Variants in FAT3 observed in about 807,000 individuals in gnomAD.
FAT3 encodes the protein protocadherin Fat 3.
Under a neutral mutation model 310.2 loss-of-function variants are expected in FAT3, and 95 were observed. That is an observed-to-expected ratio of 0.31 (90% CI 0.26 to 0.36). The LOEUF (loss-of-function observed/expected upper bound fraction) is 0.36. FAT3 is among the 10% of genes least tolerant of loss of function. The pLI, the probability that FAT3 is intolerant of heterozygous loss-of-function variation, is 1.00. For synonymous variants in FAT3, 2,314 were observed against 2,192.9 expected, an observed-to-expected ratio of 1.06 and a Z score of -1.54; for missense variants, 5,408 against 5,715.6, an observed-to-expected ratio of 0.95 and a Z score of 1.74.
chr11:92,729,947 C>G (rs1246098985), intron 4 of FAT3, among the ~76,000 whole-genome samples: 1 of 152,140 alleles, frequency 6.6e-6, no homozygotes, highest in African/African-American at 2.4e-5. Context: ...TAGTGGTTAT[C>G]TCTGGGTAAT....
chr11:92,873,740 C>T (rs1221914171), intron 22 of FAT3, among the ~76,000 whole-genome samples: 1 of 152,162 alleles, frequency 6.6e-6, no homozygotes, highest in African/African-American at 2.4e-5. Flanking sequence ...TCTGCATCTG[C>T]TATAACTAGA....
intron 4 of FAT3, among the ~76,000 whole-genome samples, chr11:92,729,695 G>A (rs781466433): frequency 2.1e-4 from 32 of 151,734 alleles, no homozygotes; most frequent in Non-Finnish European, 2.6e-4. Context: ...AAAGTGCTGG[G>A]ATTATAGGCG....
At chr11:92,361,323 A>G (rs1010294873) in intron 2 of FAT3, among the ~76,000 whole-genome samples, 1 of 152,194 alleles carries the variant, frequency 6.6e-6, no homozygotes, top group Non-Finnish European at 1.5e-5. Flanking sequence ...TGTGGAGCAG[A>G]AAAGAATATT....
intron 3 of FAT3, among the ~76,000 whole-genome samples, chr11:92,561,050 G>C (rs1295395212): frequency 1.3e-5 from 2 of 152,176 alleles, no homozygotes; most frequent in Non-Finnish European, 2.9e-5. Context: ...TGTTTAAAAA[G>C]TGATTTAAGG....
intron 3 of FAT3, among the ~76,000 whole-genome samples, chr11:92,655,888 T>C (rs1474513770): frequency 6.6e-6 from 1 of 152,218 alleles, no homozygotes; most frequent in Non-Finnish European, 1.5e-5. Flanking sequence ...CCTTGCATTG[T>C]CCAGAATTAC....
chr11:92,375,182 G>A (rs1408795909), intron 2 of FAT3, among the ~76,000 whole-genome samples: 1 of 152,036 alleles, frequency 6.6e-6, no homozygotes, highest in Non-Finnish European at 1.5e-5. Context: ...GATGCAGGCT[G>A]GAGTGCAGTT....
intron 2 of FAT3, among the ~76,000 whole-genome samples, chr11:92,368,915 CAT>C (rs997459188): frequency 2.4e-5 from 3 of 127,268 alleles, no homozygotes; most frequent in East Asian, 2.0e-4. Flanking sequence ...TATATATACA[CAT>C]ATATATATAC....
chr11:92,627,186 G>A (rs560454234), intron 3 of FAT3, among the ~76,000 whole-genome samples: 30 of 152,120 alleles, frequency 2.0e-4, no homozygotes, highest in South Asian at 6.2e-4. Context: ...ATGAATGTTC[G>A]TCGCTGATTA....
chr11:92,855,107 A>AG (rs545292581), intron 19 of FAT3, among the ~76,000 whole-genome samples: 49 of 152,342 alleles, frequency 3.2e-4, no homozygotes, highest in African/African-American at 1.1e-3. Flanking sequence ...TTAAGCATAG[A>AG]CTACTGGTCA....
chr11:92,443,249 A>C (rs2135086402), intron 2 of FAT3, among the ~76,000 whole-genome samples: 1 of 152,322 alleles, frequency 6.6e-6, no homozygotes, highest in Admixed American at 6.5e-5. Context: ...TGTTTCTAAA[A>C]ATAAGCTTTC....
At chr11:92,645,862 A>G (rs959078831) in intron 3 of FAT3, among the ~76,000 whole-genome samples, 1 of 152,216 alleles carries the variant, frequency 6.6e-6, no homozygotes, top group African/African-American at 2.4e-5. Flanking sequence ...TCCAGCTCCT[A>G]CAACATTGCC....
At chr11:92,505,773 T>A (rs1953080959) in intron 2 of FAT3, among the ~76,000 whole-genome samples, 1 of 152,170 alleles carries the variant, frequency 6.6e-6, no homozygotes, top group Non-Finnish European at 1.5e-5. Context: ...GGACTCTTCC[T>A]GCACAGTCAG....
intron 1 of FAT3, among the ~76,000 whole-genome samples, chr11:92,296,272 C>T (rs1450921810): frequency 6.6e-6 from 1 of 152,108 alleles, no homozygotes; most frequent in African/African-American, 2.4e-5. Flanking sequence ...TTGGAAAATA[C>T]TGAAGTCAAA....
rs749708652 is a variant in FAT3 at position 92,790,022 on chromosome 11, A to T, written c.4415A>T (p.Asp1472Val). ...QPNYDVTISE[D>V]VLPDTEILQI... The stretch of plus-strand genomic sequence containing the variant: ...AATTACGATGTGACAATTTCCGAGG[A>T]TGTGCTTCCAGACACGGAGATCCTG... The change falls in exon 8 of 28, where the codon GAT becomes GTT. Residue 1472 changes from aspartate (D) to valine (V), a missense_variant. Coordinates refer to ENST00000525166, the MANE Select transcript of FAT3 (RefSeq NM_001367949.2). The T allele has an allele frequency of 1.9e-6, 3 of 1,613,818 alleles. No homozygotes were observed. Among genetic ancestry groups the T allele is most frequent in the Admixed American group, 1.7e-5 (1 of 60,002 alleles).
chr11:92,460,748 C>T (rs1470103654), intron 2 of FAT3, among the ~76,000 whole-genome samples: 2 of 152,138 alleles, frequency 1.3e-5, no homozygotes, highest in Non-Finnish European at 2.9e-5. Context: ...AACACATGCA[C>T]CTAGTACCTC....
At chr11:92,756,147 C>T (rs1358672950) in intron 4 of FAT3, among the ~76,000 whole-genome samples, 1 of 152,128 alleles carries the variant, frequency 6.6e-6, no homozygotes, top group Non-Finnish European at 1.5e-5. Context: ...TGCCCCTTTT[C>T]CATAGGGGAT....
At chr11:92,835,164 G>A (rs556759668) in intron 15 of FAT3, 80 bp downstream of exon 15, 54 of 1,266,566 alleles carry the variant, frequency 4.3e-5, no homozygotes, top group Middle Eastern at 2.8e-4. Flanking sequence ...AGCAAAGTCC[G>A]TCTTGGGTTT....
chr11:92,680,903 A>G (rs1943463696), intron 3 of FAT3, among the ~76,000 whole-genome samples: 2 of 152,220 alleles, frequency 1.3e-5, no homozygotes, highest in Non-Finnish European at 2.9e-5. Flanking sequence ...CCTTCTTGCT[A>G]GTTCCCTGAT....
chr11:92,770,757 A>G (rs1322541241), intron 6 of FAT3, among the ~76,000 whole-genome samples: 1 of 152,230 alleles, frequency 6.6e-6, no homozygotes, highest in African/African-American at 2.4e-5. Context: ...ACGGAGGGAC[A>G]GAGGTGCTTC....
Sources: gnomAD v4.1 joint callset for allele counts (sites outside exome capture counted in the v4.1 genomes callset) on GRCh38, gnomAD v4.1.1 for gene constraint, MANE v1.5 for transcripts, NCBI Gene and HGNC (gene_info 2026-07-23, HGNC 2026-07-21) for gene names.